Variants in UBAP2 observed in about 807,000 individuals in gnomAD.
UBAP2 encodes the protein ubiquitin-associated protein 2.
A neutral mutation model predicts 139.6 loss-of-function variants in UBAP2; 75 were observed. The observed-to-expected ratio is 0.54, with a 90% CI of 0.45 to 0.65. UBAP2 has a LOEUF of 0.65. Among genes scored for constraint, UBAP2 ranks in the 30% least tolerant of loss-of-function variants. The pLI is 0.00. For synonymous variants in UBAP2, 526 were observed against 526.2 expected (o/e 1.00, Z 0.01); for missense variants, 1,368 against 1,369.6 (o/e 1.00, Z 0.02).
intron 17 of UBAP2, chr9:33,933,943 T>A (rs41314578): frequency 0.079 from 18,231 of 232,240 alleles, 1,018 homozygotes; most frequent in Non-Finnish European, 0.11. Context: ...TGTAGATGCA[T>A]CCAGAAAGAA....
chr9:34,006,809 A>G (rs1327598097), intron 2 of UBAP2, among the ~76,000 whole-genome samples: 1 of 152,248 alleles, frequency 6.6e-6, no homozygotes, highest in Non-Finnish European at 1.5e-5. Context: ...TGTTCTCATA[A>G]TTCCTTTCAG....
intron 1 of UBAP2, among the ~76,000 whole-genome samples, chr9:34,020,331 T>C (rs957880247): frequency 6.6e-6 from 1 of 151,678 alleles, no homozygotes; most frequent in African/African-American, 2.4e-5. Context: ...AATGATTTTT[T>C]TTTTTTTAAG....
chr9:33,954,165 C>T (rs1395459741), intron 11 of UBAP2, among the ~76,000 whole-genome samples: 1 of 151,816 alleles, frequency 6.6e-6, no homozygotes, highest in Non-Finnish European at 1.5e-5. Flanking sequence ...CTTTGGCCTC[C>T]CAAAGTGCTG....
At chr9:34,046,435 A>G (rs1827589310) in intron 1 of UBAP2, among the ~76,000 whole-genome samples, 1 of 152,062 alleles carries the variant, frequency 6.6e-6, no homozygotes, top group Non-Finnish European at 1.5e-5. Context: ...CGGGGTCAGG[A>G]GATCAAGACC....
chr9:34,030,327 T>C (rs1280960676), intron 1 of UBAP2, among the ~76,000 whole-genome samples: 3 of 151,912 alleles, frequency 2.0e-5, no homozygotes, highest in African/African-American at 7.3e-5. Flanking sequence ...CGGGCACCTG[T>C]AGTCCCAGCT....
intron 2 of UBAP2, among the ~76,000 whole-genome samples, chr9:34,015,213 A>C (rs1824142093): frequency 6.6e-6 from 1 of 152,202 alleles, no homozygotes; most frequent in Non-Finnish European, 1.5e-5. Context: ...TATAATGCTT[A>C]ATTTTGCACC....
At chr9:33,924,544 C>T (rs1474831013) in intron 22 of UBAP2, among the ~76,000 whole-genome samples, 1 of 152,254 alleles carries the variant, frequency 6.6e-6, no homozygotes, top group Admixed American at 6.5e-5. Context: ...CCTCACACAT[C>T]CATTTGACAC....
chr9:33,928,077 A>C (rs1323014597), intron 19 of UBAP2, 85 bp from the exon 20 acceptor site: 1 of 1,343,796 alleles, frequency 7.4e-7, no homozygotes, highest in East Asian at 2.4e-5. Flanking sequence ...CTTGGGCCCA[A>C]GTCTCAAGGC....
chr9:34,025,879 T>C (rs1156496246), intron 1 of UBAP2, among the ~76,000 whole-genome samples: 1 of 152,168 alleles, frequency 6.6e-6, no homozygotes, highest in Admixed American at 6.6e-5. Flanking sequence ...CATGCCCGGT[T>C]TAACTGCTGT....
chr9:33,926,175 G>A (rs1232191137), intron 22 of UBAP2, among the ~76,000 whole-genome samples: 1 of 152,210 alleles, frequency 6.6e-6, no homozygotes, highest in Non-Finnish European at 1.5e-5. Flanking sequence ...TCAGCTGATT[G>A]CAGAAGAGCA....
chr9:33,923,807 G>A lies in UBAP2; in HGVS notation c.2784C>T (p.Gly928=). Residue 928 remains glycine (G), a synonymous_variant, in exon 24 of 29, where the codon GGC becomes GGT. Coordinates refer to ENST00000379238, the MANE Select transcript of UBAP2 (RefSeq NM_001370062.2). Reference sequence around the variant, plus strand: ...CTGAAATACTCACAAACATGGTGGGGCCATACTGGAAGGCACTGGGCATGC... The same window carrying A: ...CTGAAATACTCACAAACATGGTGGGACCATACTGGAAGGCACTGGGCATGC... ...YTGMPSAFQY[G]PTMFVPPASA... The A allele has an allele frequency of 6.2e-7, 1 of 1,614,158 alleles. No homozygotes were observed. The highest frequency in any genetic ancestry group is 8.5e-7 in the Non-Finnish European group (1 of 1,179,994).
chr9:34,000,863 C>T (rs546424889), intron 2 of UBAP2, among the ~76,000 whole-genome samples: 1 of 152,336 alleles, frequency 6.6e-6, no homozygotes, highest in Admixed American at 6.5e-5. Context: ...CCTGCTGAGA[C>T]CTCAGTTTAA....
Position 33,932,577 on chromosome 9 carries a change from C to G in UBAP2, c.2160G>C (p.Ser720=). 1.2e-6 allele frequency: 2 copies of G among 1,613,946 alleles called. No homozygotes were observed. The highest frequency in any genetic ancestry group is 1.7e-6 in the Non-Finnish European group (2 of 1,180,016). The part of the protein sequence containing the change: ...SSLSAHAALS[S]STSHTHASVE... ...AGACACTTACTGTGTGTGACGTGCT[C>G]GAGGAGAGGGCTGCATGTGCAGAGA... The change falls in exon 19 of 29, where the codon TCG becomes TCC. Residue 720 remains serine, a synonymous_variant. Coordinates refer to ENST00000379238, the MANE Select transcript of UBAP2 (RefSeq NM_001370062.2).
intron 8 of UBAP2, 54 bp from the exon 9 acceptor site, chr9:33,963,845 T>G: frequency 6.8e-4 from 674 of 991,220 alleles, no homozygotes; most frequent in Non-Finnish European, 1.0e-3. Flanking sequence ...ATGAAAGTAT[T>G]CATCACAGAG....
chr9:34,025,038 G>GT (rs1825292211), intron 1 of UBAP2, among the ~76,000 whole-genome samples: 3 of 151,844 alleles, frequency 2.0e-5, no homozygotes, highest in Admixed American at 6.6e-5. Context: ...AGGTAAAAGC[G>GT]TAAGTTACCA....
chr9:33,978,500 C>G (rs1820353803), intron 6 of UBAP2, among the ~76,000 whole-genome samples: 1 of 152,110 alleles, frequency 6.6e-6, no homozygotes, highest in Non-Finnish European at 1.5e-5. Context: ...AGGCCGGGTG[C>G]AGTGGCTCAC....
At chr9:34,019,943 C>T (rs1336355367) in intron 1 of UBAP2, among the ~76,000 whole-genome samples, 1 of 151,682 alleles carries the variant, frequency 6.6e-6, no homozygotes. Context: ...AGGCAGATCA[C>T]GAGGTCAGGA....
Position 33,943,382 on chromosome 9 carries a change from G to T in UBAP2, c.1715+38C>A, listed in dbSNP as rs747851918. 1.1e-5 allele frequency: 18 copies of T among 1,602,090 alleles called. No homozygotes were observed. In the African/African-American group the frequency reaches 2.0e-4, roughly 18 times the overall value. On this transcript the variant is annotated intron_variant, in intron 15 of 28. Coordinates refer to ENST00000379238, the MANE Select transcript of UBAP2 (RefSeq NM_001370062.2). ...TTTCCACCAGTTGATCTCTCTTAGG[G>T]TCTATTTTGCTTCATAACAAAGGAC...
chr9:33,993,568 AGGCTGGAGGAT>A (rs1391706955), intron 4 of UBAP2, among the ~76,000 whole-genome samples: 4 of 152,162 alleles, frequency 2.6e-5, no homozygotes, highest in Admixed American at 1.3e-4. Context: ...GCTACTCGGC[AGGCTGGAGGAT>A]GGCATAAGCC....
Sources: allele counts gnomAD v4.1 joint callset (sites outside exome capture counted in the v4.1 genomes callset), GRCh38; gene constraint gnomAD v4.1.1; transcripts MANE v1.5; gene names NCBI Gene and HGNC (gene_info 2026-07-23, HGNC 2026-07-21).